The following LDB2 variants were observed in gnomAD, a reference collection of about 807,000 sequenced individuals.
LDB2 encodes the protein LIM domain binding 2.
Under a neutral mutation model 44.3 loss-of-function variants are expected in LDB2, and 12 were observed. That is an observed-to-expected ratio of 0.27 (90% CI 0.17 to 0.44). The LOEUF is 0.44. Ranked by LOEUF, LDB2 falls within the 20% of genes least tolerant of loss-of-function variation. The pLI is 1.00. For missense variants in LDB2, 344 were observed against 473.5 expected, an observed-to-expected ratio of 0.73 and a Z score of 2.54; for synonymous variants, 164 against 174.8, an observed-to-expected ratio of 0.94 and a Z score of 0.49.
intron 2 of LDB2, among the ~76,000 whole-genome samples, chr4:16,734,920 GCTGGTCTCGAACTC>G (rs528815818): frequency 4.3e-4 from 66 of 152,030 alleles, no homozygotes; most frequent in African/African-American, 1.6e-3. Context: ...TGTTGGCCAG[GCTGGTCTCGAACTC>G]CTGACCTCAG....
chr4:16,527,910 T>C (rs1728785073), intron 5 of LDB2, among the ~76,000 whole-genome samples: 2 of 152,060 alleles, frequency 1.3e-5, no homozygotes, highest in South Asian at 4.1e-4. Flanking sequence ...AGTTGTGTAC[T>C]TAAACATATC....
intron 2 of LDB2, among the ~76,000 whole-genome samples, chr4:16,644,576 T>C (rs9992897): frequency 0.15 from 22,083 of 151,944 alleles, 1,849 homozygotes; most frequent in East Asian, 0.34. Context: ...TACAGGCATG[T>C]GCCACCATGC....
At chr4:16,784,055 A>T (rs1215440180) in intron 1 of LDB2, among the ~76,000 whole-genome samples, 1 of 152,226 alleles carries the variant, frequency 6.6e-6, no homozygotes, top group Admixed American at 6.5e-5. Flanking sequence ...CCCTGCTGCC[A>T]GTGGTTCCCT....
chr4:16,671,889 G>A (rs1453276971), intron 2 of LDB2, among the ~76,000 whole-genome samples: 1 of 151,970 alleles, frequency 6.6e-6, no homozygotes, highest in Non-Finnish European at 1.5e-5. Flanking sequence ...GAATGAAAGT[G>A]GGCTGCAGCT....
At chr4:16,792,299 G>A (rs776742726) in intron 1 of LDB2, among the ~76,000 whole-genome samples, 1 of 152,164 alleles carries the variant, frequency 6.6e-6, no homozygotes, top group Non-Finnish European at 1.5e-5. Context: ...TATTCTTACT[G>A]TGTGCCAGAC....
At chr4:16,868,184 T>C (rs1472992116) in intron 1 of LDB2, among the ~76,000 whole-genome samples, 2 of 152,168 alleles carry the variant, frequency 1.3e-5, no homozygotes, top group Non-Finnish European at 2.9e-5. Context: ...TACTTTTGCG[T>C]CAGTTGAGCC....
At chr4:16,719,112 T>C (rs1000939520) in intron 2 of LDB2, among the ~76,000 whole-genome samples, 2 of 152,052 alleles carry the variant, frequency 1.3e-5, no homozygotes, top group Non-Finnish European at 2.9e-5. Flanking sequence ...TTCTACTCAG[T>C]GGACAAACTG....
At chr4:16,891,456 G>T (rs546850857) in intron 1 of LDB2, among the ~76,000 whole-genome samples, 1 of 151,770 alleles carries the variant, frequency 6.6e-6, no homozygotes, top group African/African-American at 2.4e-5. Context: ...GAGACTACAG[G>T]CGTGTGCCAC....
chr4:16,801,950 C>T (rs1777911768), intron 1 of LDB2, among the ~76,000 whole-genome samples: 1 of 152,224 alleles, frequency 6.6e-6, no homozygotes, highest in South Asian at 2.1e-4. Context: ...AATCCTCTAA[C>T]TCCTGAGGAT....
At chr4:16,825,585 T>G (rs549797395) in intron 1 of LDB2, among the ~76,000 whole-genome samples, 13 of 152,314 alleles carry the variant, frequency 8.5e-5, no homozygotes, top group African/African-American at 2.4e-4. Flanking sequence ...AATCATTGCA[T>G]GTAAGTGAGG....
intron 1 of LDB2, among the ~76,000 whole-genome samples, chr4:16,890,627 A>T (rs1038742611): frequency 2.0e-5 from 3 of 152,164 alleles, no homozygotes; most frequent in Non-Finnish European, 4.4e-5. Flanking sequence ...TCCAGGACAG[A>T]CCATACAGTG....
chr4:16,674,593 C>A (rs1264167497), intron 2 of LDB2, among the ~76,000 whole-genome samples: 1 of 152,172 alleles, frequency 6.6e-6, no homozygotes, highest in African/African-American at 2.4e-5. Context: ...TATACAGCTG[C>A]CTCAGAGAAG....
chr4:16,697,266 TACACACACACACACACACACACAC>T (rs57040700), intron 2 of LDB2, among the ~76,000 whole-genome samples: 3 of 130,682 alleles, frequency 2.3e-5, no homozygotes, highest in Non-Finnish European at 4.8e-5. Flanking sequence ...CTACTAAAAA[TACACACACACACACACACACACAC>T]ACACACACAC....
intron 1 of LDB2, among the ~76,000 whole-genome samples, chr4:16,792,996 G>A (rs1322700407): frequency 6.6e-6 from 1 of 152,086 alleles, no homozygotes; most frequent in Non-Finnish European, 1.5e-5. Context: ...AAAGGAGCAG[G>A]GCCCCAAAGA....
At chr4:16,695,798 T>C (rs1210998980) in intron 2 of LDB2, among the ~76,000 whole-genome samples, 2 of 152,062 alleles carry the variant, frequency 1.3e-5, no homozygotes, top group African/African-American at 4.8e-5. Flanking sequence ...TCATAACTTT[T>C]ACATGTCATA....
intron 1 of LDB2, among the ~76,000 whole-genome samples, chr4:16,843,455 C>A (rs1266752504): frequency 6.6e-6 from 1 of 152,130 alleles, no homozygotes; most frequent in Non-Finnish European, 1.5e-5. Context: ...ACCACTTCAA[C>A]AGATTCTTAA....
intron 2 of LDB2, among the ~76,000 whole-genome samples, chr4:16,666,534 T>A (rs1321348167): frequency 6.6e-6 from 1 of 152,150 alleles, no homozygotes; most frequent in African/African-American, 2.4e-5. Context: ...ACCAGTTACT[T>A]CTTTGCTGGT....
intron 5 of LDB2, among the ~76,000 whole-genome samples, chr4:16,581,095 C>T (rs1021977558): frequency 6.6e-6 from 1 of 152,052 alleles, no homozygotes; most frequent in Non-Finnish European, 1.5e-5. Flanking sequence ...GTGTTTTGAC[C>T]CATGGAGTCC....
chr4:16,612,782 A>G (rs930841291), intron 2 of LDB2, among the ~76,000 whole-genome samples: 4 of 152,224 alleles, frequency 2.6e-5, no homozygotes, highest in Non-Finnish European at 5.9e-5. Flanking sequence ...TACAAAGAGG[A>G]GTTGTTACCA....
Sources: allele counts gnomAD v4.1 joint callset (sites outside exome capture counted in the v4.1 genomes callset), GRCh38; gene constraint gnomAD v4.1.1; transcripts MANE v1.5; gene names NCBI Gene and HGNC (gene_info 2026-07-23, HGNC 2026-07-21).